CACNA2D3: variants seen among roughly 807,000 people sequenced by gnomAD.
CACNA2D3 encodes the protein voltage-dependent calcium channel subunit alpha-2/delta-3.
Under a neutral mutation model 160.6 loss-of-function variants are expected in CACNA2D3, and 60 were observed. The ratio of observed to expected loss-of-function variants is 0.37; its 90% CI spans 0.30 to 0.46. The LOEUF (loss-of-function observed/expected upper bound fraction) is 0.46. Ranked by LOEUF, CACNA2D3 falls within the 20% of genes least tolerant of loss-of-function variation. The pLI is 1.00. For missense variants in CACNA2D3, 1,205 were observed against 1,365.0 expected, an observed-to-expected ratio of 0.88 and a Z score of 1.85; for synonymous variants, 558 against 492.9, an observed-to-expected ratio of 1.13 and a Z score of -1.75.
chr3:54,886,935 C>CTTTTTT lies in CACNA2D3; in HGVS notation c.2057-1015_2057-1010dup, dbSNP rs60899252. Among the ~76,000 whole-genome samples the CTTTTTT allele has an allele frequency of 6.8e-3, 733 of 107,734 alleles. 53 individuals are homozygous for CTTTTTT. Among genetic ancestry groups the CTTTTTT allele is most frequent in the African/African-American group, 0.027 (689 of 25,662 alleles). The allele number at this position is 107,734 out of a possible 152,430, so 70.7% of individuals were successfully genotyped here. A position where few individuals can be genotyped will look rare whatever the true frequency, so the allele number is the denominator to read the frequency against. Reference sequence around the variant, plus strand: ...CTAGCTTTCGCTTTTCAGCAAAGCTCTTTTTTTTTTTTTTGCCCCCAGTCA... The same window carrying CTTTTTT: ...CTAGCTTTCGCTTTTCAGCAAAGCTCTTTTTTTTTTTTTTTTTTTTGCCCCCAGTCA... On this transcript the variant is annotated intron_variant, in intron 23 of 37. Coordinates refer to ENST00000474759, the MANE Select transcript of CACNA2D3 (RefSeq NM_018398.3).
chr3:54,693,102 A>T (rs1317158273), intron 11 of CACNA2D3, among the ~76,000 whole-genome samples: 1 of 152,226 alleles, frequency 6.6e-6, no homozygotes, highest in Non-Finnish European at 1.5e-5. Flanking sequence ...TGCAGGTTTT[A>T]ATTTTGCTTT....
At chr3:54,563,753 G>A (rs948358135) in intron 6 of CACNA2D3, among the ~76,000 whole-genome samples, 2 of 152,308 alleles carry the variant, frequency 1.3e-5, no homozygotes, top group African/African-American at 4.8e-5. Flanking sequence ...GAGCAATTAA[G>A]TGAAGTCTTT....
intron 11 of CACNA2D3, among the ~76,000 whole-genome samples, chr3:54,701,497 G>A (rs757841104): frequency 1.6e-4 from 25 of 152,102 alleles, no homozygotes; most frequent in Non-Finnish European, 3.5e-4. Context: ...CCTACAAAAG[G>A]TCATTTAAAA....
intron 25 of CACNA2D3, among the ~76,000 whole-genome samples, chr3:54,896,351 C>G (rs1049310451): frequency 6.6e-6 from 1 of 152,172 alleles, no homozygotes; most frequent in Non-Finnish European, 1.5e-5. Context: ...AGAATGAGAT[C>G]TACTTAAGGA....
At chr3:54,962,206 C>T (rs946956086) in intron 27 of CACNA2D3, among the ~76,000 whole-genome samples, 1 of 152,180 alleles carries the variant, frequency 6.6e-6, no homozygotes, top group Non-Finnish European at 1.5e-5. Flanking sequence ...GACCAACATT[C>T]AAACCATAGC....
intron 2 of CACNA2D3, among the ~76,000 whole-genome samples, chr3:54,271,434 T>G (rs1702620138): frequency 6.6e-6 from 1 of 152,068 alleles, no homozygotes; most frequent in African/African-American, 2.4e-5. Context: ...ATCCCAACAC[T>G]TGAAGGTCCC....
chr3:54,907,765 G>C (rs192725103), intron 27 of CACNA2D3, among the ~76,000 whole-genome samples: 1 of 152,090 alleles, frequency 6.6e-6, no homozygotes, highest in South Asian at 2.1e-4. Context: ...GAAACCACTC[G>C]TGTGCTTTCT....
intron 27 of CACNA2D3, among the ~76,000 whole-genome samples, chr3:54,930,863 T>A (rs1203131175): frequency 6.6e-6 from 1 of 152,152 alleles, no homozygotes; most frequent in East Asian, 1.9e-4. Context: ...TTTGGGAGGC[T>A]GAGTAGGTGG....
At chr3:54,558,488 T>C (rs1702274068) in intron 5 of CACNA2D3, among the ~76,000 whole-genome samples, 2 of 152,124 alleles carry the variant, frequency 1.3e-5, no homozygotes, top group South Asian at 2.1e-4. Context: ...AAATTGCATG[T>C]CACATGTGTA....
intron 11 of CACNA2D3, among the ~76,000 whole-genome samples, chr3:54,718,087 A>G (rs1028710795): frequency 1.3e-5 from 2 of 152,278 alleles, no homozygotes; most frequent in East Asian, 3.9e-4. Context: ...CTCATGATAT[A>G]CTTTTTTTAC....
chr3:54,843,566 A>G (rs1698867524), intron 16 of CACNA2D3, among the ~76,000 whole-genome samples: 1 of 152,224 alleles, frequency 6.6e-6, no homozygotes, highest in African/African-American at 2.4e-5. Context: ...GGGAGACCTG[A>G]TGAACAGGCC....
chr3:54,237,183 T>G (rs1701895901), intron 2 of CACNA2D3, among the ~76,000 whole-genome samples: 1 of 152,108 alleles, frequency 6.6e-6, no homozygotes, highest in African/African-American at 2.4e-5. Context: ...CCTCGAAGAA[T>G]TAATTGTGCT....
At chr3:54,244,067 C>G (rs747591463) in intron 2 of CACNA2D3, among the ~76,000 whole-genome samples, 4 of 152,106 alleles carry the variant, frequency 2.6e-5, no homozygotes, top group Admixed American at 6.5e-5. Context: ...CTAGTAATGC[C>G]CCCCAGTCCT....
chr3:54,194,548 T>C (rs1474074151), intron 2 of CACNA2D3, among the ~76,000 whole-genome samples: 1 of 152,176 alleles, frequency 6.6e-6, no homozygotes, highest in East Asian at 1.9e-4. Flanking sequence ...TTGATTACCA[T>C]GTGGATGGGG....
chr3:54,693,122 T>TTA, intron 11 of CACNA2D3, among the ~76,000 whole-genome samples: 1 of 152,302 alleles, frequency 6.6e-6, no homozygotes, highest in East Asian at 1.9e-4. Context: ...TGTCAATATG[T>TTA]TAAGAAAACC....
Position 54,896,817 on chromosome 3 carries a change from G to A in CACNA2D3, c.2315G>A (p.Arg772Lys), listed in dbSNP as rs761148627. ...NADHFPLWYR[R>K]AAEQIPGSFV... The stretch of plus-strand genomic sequence containing the variant: ...GACCATTTCCCTCTCTGGTACCGAA[G>A]AGCCGCTGAGCAGATTCCAGGGAGC... Residue 772 changes from arginine to lysine, a missense_variant, in exon 26 of 38, where the codon AGA (arginine) becomes AAA (lysine). By Grantham distance (26) the Arg-to-Lys change is conservative (BLOSUM62 2). Coordinates refer to ENST00000474759, the MANE Select transcript of CACNA2D3 (RefSeq NM_018398.3). 2 of 1,614,028 alleles carry A rather than the reference G, an allele frequency of 1.2e-6. No homozygotes were observed. The highest frequency in any genetic ancestry group is 1.1e-5 in the South Asian group (1 of 91,088).
intron 2 of CACNA2D3, among the ~76,000 whole-genome samples, chr3:54,160,807 T>A (rs1700330708): frequency 6.6e-6 from 1 of 152,258 alleles, no homozygotes; most frequent in Non-Finnish European, 1.5e-5. Flanking sequence ...CAATTTGTAA[T>A]GTGTCCTCAT....
chr3:54,665,097 C>T (rs1415469651), intron 11 of CACNA2D3, among the ~76,000 whole-genome samples: 3 of 152,156 alleles, frequency 2.0e-5, no homozygotes, highest in Non-Finnish European at 2.9e-5. Context: ...GCCTTTTCTC[C>T]AGCAGTGCCC....
intron 2 of CACNA2D3, among the ~76,000 whole-genome samples, chr3:54,268,179 T>G (rs2107447688): frequency 6.6e-6 from 1 of 152,252 alleles, no homozygotes; most frequent in Admixed American, 6.5e-5. Context: ...TATGACAAAT[T>G]TTTAATGGGA....
Sources: allele counts gnomAD v4.1 joint callset (sites outside exome capture counted in the v4.1 genomes callset), GRCh38; gene constraint gnomAD v4.1.1; transcripts MANE v1.5; gene names NCBI Gene and HGNC (gene_info 2026-07-23, HGNC 2026-07-21).